FILIP1L: variants seen among roughly 807,000 people sequenced by gnomAD.
FILIP1L encodes the protein filamin A-interacting protein 1-like.
In FILIP1L, 55 loss-of-function variants were observed where a neutral mutation model predicts 96.6. The ratio of observed to expected loss-of-function variants is 0.57; its 90% CI spans 0.46 to 0.71. The LOEUF is 0.71. Among genes scored for constraint, FILIP1L ranks in the 30% least tolerant of loss-of-function variants. FILIP1L has a pLI of 0.00. For missense variants in FILIP1L, 1,304 were observed against 1,321.2 expected, an observed-to-expected ratio of 0.99 and a Z score of 0.20; for synonymous variants, 467 against 473.9, an observed-to-expected ratio of 0.99 and a Z score of 0.19.
intron 3 of FILIP1L, among the ~76,000 whole-genome samples, chr3:99,925,500 G>T (rs1707262543): frequency 6.6e-6 from 1 of 152,162 alleles, no homozygotes; most frequent in Non-Finnish European, 1.5e-5. Flanking sequence ...AGGAAACTGA[G>T]ATTTTTTTTG....
intron 1 of FILIP1L, among the ~76,000 whole-genome samples, chr3:99,970,579 G>A (rs1708783376): frequency 6.6e-6 from 1 of 152,134 alleles, no homozygotes; most frequent in African/African-American, 2.4e-5. Context: ...TGCTTTCCTT[G>A]TAGTTTACTA....
intron 1 of FILIP1L, among the ~76,000 whole-genome samples, chr3:99,944,347 C>T (rs1707942581): frequency 6.6e-6 from 1 of 152,166 alleles, no homozygotes; most frequent in South Asian, 2.1e-4. Context: ...ACTTCTTGGT[C>T]CAAGCTGGCT....
intron 4 of FILIP1L, among the ~76,000 whole-genome samples, chr3:99,867,227 C>T (rs145245589): frequency 6.6e-5 from 10 of 152,280 alleles, no homozygotes; most frequent in African/African-American, 2.2e-4. Flanking sequence ...CTTATACTGT[C>T]CCTGAGCAGG....
intron 1 of FILIP1L, among the ~76,000 whole-genome samples, chr3:100,001,917 C>T (rs1709853160): frequency 6.6e-6 from 1 of 152,132 alleles, no homozygotes; most frequent in Non-Finnish European, 1.5e-5. Context: ...AACACGGTGT[C>T]GCCTATGAGG....
At chr3:100,078,103 T>A (rs2065877883) in intron 1 of FILIP1L, among the ~76,000 whole-genome samples, 1 of 152,108 alleles carries the variant, frequency 6.6e-6, no homozygotes, top group African/African-American at 2.4e-5. Flanking sequence ...TAATATATGC[T>A]GGTTTGATAA....
intron 4 of FILIP1L, chr3:99,876,217 T>A: frequency 1.0e-6 from 1 of 985,314 alleles, no homozygotes; most frequent in Non-Finnish European, 1.2e-6. Flanking sequence ...GTTACGTCAC[T>A]GTTCTGCCTT....
chr3:99,976,138 G>A (rs1331728491), intron 1 of FILIP1L, among the ~76,000 whole-genome samples: 1 of 152,114 alleles, frequency 6.6e-6, no homozygotes, highest in Non-Finnish European at 1.5e-5. Flanking sequence ...GCCCGCCTCA[G>A]CCTCCCAAAG....
chr3:99,983,491 T>A lies in FILIP1L; in HGVS notation c.-10-52461A>T, dbSNP rs1468751396. Among the ~76,000 whole-genome samples, 49 of 37,428 alleles carry A rather than the reference T, an allele frequency of 1.3e-3. 6 individuals carry two copies. Among genetic ancestry groups the A allele is most frequent in the African/African-American group, 4.6e-3 (49 of 10,538 alleles). 24.6% of individuals were successfully genotyped at this position (37,428 alleles called of 152,430 possible). A position where few individuals can be genotyped will look rare whatever the true frequency, so the allele number is the denominator to read the frequency against. ...ATATATATATATATATATATATATA[T>A]ATATATATATATATATATGTATATA... On this transcript the variant is annotated intron_variant, in intron 1 of 5. Transcript: ENST00000477258.
chr3:100,081,207 C>G (rs1387123669), intron 1 of FILIP1L, among the ~76,000 whole-genome samples: 1 of 152,186 alleles, frequency 6.6e-6, no homozygotes, highest in Non-Finnish European at 1.5e-5. Flanking sequence ...CGAAGCCACC[C>G]AAGAGTCCTT....
At chr3:100,021,209 T>A (rs1421785051) in intron 1 of FILIP1L, among the ~76,000 whole-genome samples, 1 of 152,230 alleles carries the variant, frequency 6.6e-6, no homozygotes, top group Non-Finnish European at 1.5e-5. Context: ...TTTCCAGGCA[T>A]GCAAGCAAAA....
At chr3:99,931,962 C>T (rs183543521) in intron 1 of FILIP1L, among the ~76,000 whole-genome samples, 1 of 152,284 alleles carries the variant, frequency 6.6e-6, no homozygotes, top group Admixed American at 6.5e-5. Flanking sequence ...AATCATGAAA[C>T]TTTCATCATC....
At chr3:100,014,194 GTA>G (rs1000329671) in intron 1 of FILIP1L, among the ~76,000 whole-genome samples, 1 of 150,408 alleles carries the variant, frequency 6.6e-6, no homozygotes, top group Non-Finnish European at 1.5e-5. Flanking sequence ...CATTGTATAT[GTA>G]TATATATATT....
chr3:99,876,083 G>C (rs1443084999), intron 4 of FILIP1L: 126 of 986,372 alleles, frequency 1.3e-4, no homozygotes, highest in South Asian at 1.9e-4. Context: ...TGAACTGCCT[G>C]CGCCGGGGCC....
chr3:99,985,489 C>A (rs1709311917), intron 1 of FILIP1L, among the ~76,000 whole-genome samples: 1 of 152,076 alleles, frequency 6.6e-6, no homozygotes, highest in African/African-American at 2.4e-5. Context: ...GACAGCAAGA[C>A]CCTGTCTCAA....
At chr3:99,867,440 C>A (rs561349182) in intron 4 of FILIP1L, among the ~76,000 whole-genome samples, 1 of 152,236 alleles carries the variant, frequency 6.6e-6, no homozygotes, top group East Asian at 1.9e-4. Context: ...GAAAAAAGCT[C>A]TGGCTTCACT....
At chr3:99,833,224 G>C in intron 5 of FILIP1L, 1 of 1,610,700 alleles carries the variant, frequency 6.2e-7, no homozygotes, top group Non-Finnish European at 8.5e-7. Flanking sequence ...AAAGTCTGAA[G>C]GATGTTGAGT....
At chr3:99,985,021 C>G (rs1012004376) in intron 1 of FILIP1L, among the ~76,000 whole-genome samples, 7 of 151,976 alleles carry the variant, frequency 4.6e-5, no homozygotes, top group Non-Finnish European at 1.0e-4. Flanking sequence ...AAGGGGTTGC[C>G]GTGAGGAAGG....
At chr3:100,031,507 G>A (rs543851480) in intron 1 of FILIP1L, among the ~76,000 whole-genome samples, 14 of 152,186 alleles carry the variant, frequency 9.2e-5, no homozygotes, top group South Asian at 6.2e-4. Flanking sequence ...AATTCAGAGC[G>A]CAACAAGGAA....
intron 5 of FILIP1L, among the ~76,000 whole-genome samples, chr3:99,844,131 A>C (rs1184601595): frequency 6.6e-5 from 10 of 152,188 alleles, no homozygotes; most frequent in Non-Finnish European, 1.5e-4. Context: ...GCCACTACCC[A>C]GCACTGGGAG....
Sources: gnomAD v4.1 joint callset for allele counts (sites outside exome capture counted in the v4.1 genomes callset) on GRCh38, gnomAD v4.1.1 for gene constraint, MANE v1.5 for transcripts, NCBI Gene and HGNC (gene_info 2026-07-23, HGNC 2026-07-21) for gene names.